Variants in PLEKHA5 observed in about 807,000 individuals in gnomAD.
PLEKHA5 encodes pleckstrin homology domain containing A5.
PLEKHA5 carries 55 observed loss-of-function variants against 181.9 expected under a neutral mutation model. That is an observed-to-expected ratio of 0.30 (90% CI 0.24 to 0.38). The LOEUF (loss-of-function observed/expected upper bound fraction) is 0.38. Ranked by LOEUF, PLEKHA5 falls within the 10% of genes least tolerant of loss-of-function variation. The probability of loss-of-function intolerance (pLI) is 1.00; values close to 1 mark genes in which losing one functional copy is unlikely to be tolerated. For missense variants in PLEKHA5, 1,432 were observed against 1,549.5 expected (o/e 0.92, Z 1.27); for synonymous variants, 535 against 529.4 (o/e 1.01, Z -0.15).
chr12:19,167,524 C>A (rs904016634), intron 3 of PLEKHA5, among the ~76,000 whole-genome samples: 1 of 146,062 alleles, frequency 6.8e-6, no homozygotes, highest in African/African-American at 2.5e-5. Context: ...TTTTGAAATC[C>A]TGTCTCTTCC....
rs2085644268 is a variant in PLEKHA5, at chr12:19,309,619, G to A, written c.2038-5195G>A. Among the ~76,000 whole-genome samples the A allele has an allele frequency of 3.3e-5, 5 of 151,942 alleles. No individual in the cohort carries two copies. The South Asian group carries it at 6.2e-4, about 19-fold the overall frequency. On this transcript the variant is annotated intron_variant, in intron 15 of 31. Transcript: ENST00000429027. ...AAAAATAGAAAAATTACTGGTAGGC[G>A]CCTGTAATCCCAGCTACTCGGGAGT...
chr12:19,296,686 G>A (rs1015536821), intron 15 of PLEKHA5, among the ~76,000 whole-genome samples: 1 of 152,124 alleles, frequency 6.6e-6, no homozygotes, highest in South Asian at 2.1e-4. Context: ...CTAGTTTCTA[G>A]TTCTTGGCTC....
At chr12:19,357,550 C>CTGCCCT (rs1181964352) in intron 26 of PLEKHA5, among the ~76,000 whole-genome samples, 2 of 151,906 alleles carry the variant, frequency 1.3e-5, no homozygotes, top group Non-Finnish European at 2.9e-5. Flanking sequence ...CCAGCCTGCC[C>CTGCCCT]TGCCCTTTTA....
chr12:19,310,503 A>G (rs778586097), intron 15 of PLEKHA5, among the ~76,000 whole-genome samples: 1 of 151,806 alleles, frequency 6.6e-6, no homozygotes, highest in Non-Finnish European at 1.5e-5. Flanking sequence ...CCAGCTACTC[A>G]GAAGGCTGAG....
chr12:19,161,869 G>T (rs1277936397), intron 3 of PLEKHA5, among the ~76,000 whole-genome samples: 2 of 152,132 alleles, frequency 1.3e-5, no homozygotes, highest in Admixed American at 6.6e-5. Context: ...GTATGTGGAT[G>T]CCAACTTCAA....
At chr12:19,370,859 T>C (rs1041987899) in intron 31 of PLEKHA5, 8 of 151,804 alleles carry the variant, frequency 5.3e-5, no homozygotes, top group Admixed American at 3.3e-4. Flanking sequence ...TCGGCTGATA[T>C]TTCGATTTTC....
chr12:19,297,887 T>C (rs2080318625), intron 15 of PLEKHA5, among the ~76,000 whole-genome samples: 1 of 151,888 alleles, frequency 6.6e-6, no homozygotes, highest in African/African-American at 2.4e-5. Flanking sequence ...AAAACAATTA[T>C]CAAATTCTGA....
At chr12:19,309,255 G>C (rs2085433242) in intron 15 of PLEKHA5, among the ~76,000 whole-genome samples, 1 of 151,878 alleles carries the variant, frequency 6.6e-6, no homozygotes, top group South Asian at 2.1e-4. Flanking sequence ...TTTTGAAGTA[G>C]AGTTGTATAG....
At position 19,141,045 on chromosome 12, in the gene PLEKHA5, T is replaced by C. The variant is rs1013324776; in HGVS notation, c.227+8595T>C. Among the ~76,000 whole-genome samples the C allele has an allele frequency of 2.6e-5, 4 of 152,228 alleles. No homozygotes were observed. The South Asian group carries it at 8.3e-4, about 32-fold the overall frequency. On this transcript the variant is annotated intron_variant, in intron 3 of 31. Transcript: ENST00000429027. ...CTGACCTCAGGTCATCCACCTGCCT[T>C]GGCCTTCCAAAGTGCTGGGATTATA...
At chr12:19,356,452 C>T (rs919906902) in intron 26 of PLEKHA5, among the ~76,000 whole-genome samples, 106 of 151,902 alleles carry the variant, frequency 7.0e-4, no homozygotes, top group African/African-American at 2.2e-3. Context: ...CCCAGGAGGT[C>T]GAGGTGAGCC....
chr12:19,312,040 AC>A (rs1565603166), intron 15 of PLEKHA5, among the ~76,000 whole-genome samples: 4 of 152,228 alleles, frequency 2.6e-5, no homozygotes, highest in Non-Finnish European at 5.9e-5. Context: ...TCATCCACTT[AC>A]ATGTTTCCAT....
intron 11 of PLEKHA5, among the ~76,000 whole-genome samples, chr12:19,279,282 A>G (rs1330537652): frequency 6.6e-6 from 1 of 152,168 alleles, no homozygotes; most frequent in Non-Finnish European, 1.5e-5. Flanking sequence ...TTTAGGGATC[A>G]CTGGCATAGT....
At position 19,336,626 on chromosome 12, in the gene PLEKHA5, T is replaced by A; in HGVS notation, c.2550+10T>A. 7.0e-7 allele frequency: 1 copy of A among 1,432,552 alleles called. No homozygotes were observed. The highest frequency in any genetic ancestry group is 9.8e-7 in the Non-Finnish European group (1 of 1,017,986). The allele number at this position is 1,432,552 out of a possible 1,614,324, so 88.7% of individuals were successfully genotyped here. ...CCTTGGTGAAGTTCAGGTACAAAAG[T>A]ATAATATTCTTTATATTGTTTTAAC... On this transcript the variant is annotated intron_variant, in intron 21 of 31. Transcript: ENST00000429027.
chr12:19,169,729 A>G (rs2045448400), intron 3 of PLEKHA5, among the ~76,000 whole-genome samples: 2 of 152,194 alleles, frequency 1.3e-5, no homozygotes, highest in South Asian at 2.1e-4. Context: ...CCTGCAAACC[A>G]TCATTGGCTT....
At chr12:19,354,470 T>TA (rs77223013) in intron 26 of PLEKHA5, among the ~76,000 whole-genome samples, 3,876 of 132,838 alleles carry the variant, frequency 0.029, 185 homozygotes, top group African/African-American at 0.1. Context: ...TAGTTATTCT[T>TA]AAAAAAAAAA....
At chr12:19,198,464 G>A (rs2053457445) in intron 3 of PLEKHA5, among the ~76,000 whole-genome samples, 1 of 152,162 alleles carries the variant, frequency 6.6e-6, no homozygotes, top group African/African-American at 2.4e-5. Flanking sequence ...CATTCTCTGA[G>A]TCACTGAACC....
At chr12:19,369,064 T>G (rs2095510086) in intron 30 of PLEKHA5, among the ~76,000 whole-genome samples, 1 of 152,150 alleles carries the variant, frequency 6.6e-6, no homozygotes, top group African/African-American at 2.4e-5. Flanking sequence ...AGACAAAGTC[T>G]TGCTCTCTTG....
intron 3 of PLEKHA5, among the ~76,000 whole-genome samples, chr12:19,135,574 A>C (rs10505836): frequency 0.68 from 102,891 of 152,026 alleles, 38,446 homozygotes; most frequent in Non-Finnish European, 0.86. Flanking sequence ...ACAATCACAG[A>C]TAAGTATGAT....
intron 20 of PLEKHA5, among the ~76,000 whole-genome samples, chr12:19,324,044 G>GA (rs2091540045): frequency 6.6e-6 from 1 of 152,064 alleles, no homozygotes; most frequent in African/African-American, 2.4e-5. Context: ...GAAATCTTAG[G>GA]AAAAACTGCC....
Sources: gnomAD v4.1 joint callset for allele counts (sites outside exome capture counted in the v4.1 genomes callset) on GRCh38, gnomAD v4.1.1 for gene constraint, MANE v1.5 for transcripts, NCBI Gene and HGNC (gene_info 2026-07-23, HGNC 2026-07-21) for gene names.